Variants in CARMIL1 observed in about 807,000 individuals in gnomAD.
The protein encoded by CARMIL1 is F-actin-uncapping protein LRRC16A.
A neutral mutation model predicts 177.1 loss-of-function variants in CARMIL1; 90 were observed. That is an observed-to-expected ratio of 0.51 (90% confidence interval 0.43 to 0.61). The LOEUF is 0.61. Among genes scored for constraint, CARMIL1 ranks in the 20% least tolerant of loss-of-function variants. The pLI is 0.00. For synonymous variants in CARMIL1, 577 were observed against 606.2 expected (o/e 0.95, Z 0.71); for missense variants, 1,380 against 1,667.0 (o/e 0.83, Z 3.00).
chr6:25,324,874 G>A (rs1222377198), intron 2 of CARMIL1, among the ~76,000 whole-genome samples: 1 of 152,082 alleles, frequency 6.6e-6, no homozygotes, highest in Non-Finnish European at 1.5e-5. Context: ...ATGTGGAAGT[G>A]TGCTTGGGTG....
chr6:25,608,632 T>C (rs983793954), intron 35 of CARMIL1, among the ~76,000 whole-genome samples: 2 of 152,236 alleles, frequency 1.3e-5, no homozygotes, highest in African/African-American at 4.8e-5. Context: ...TATGTTTTTA[T>C]AGAGCTTGGG....
At chr6:25,551,945 T>C (rs1445310062) in intron 27 of CARMIL1, among the ~76,000 whole-genome samples, 5 of 152,192 alleles carry the variant, frequency 3.3e-5, no homozygotes, top group Non-Finnish European at 7.3e-5. Context: ...AATTATATTA[T>C]CGTTAACTAG....
chr6:25,426,986 G>A (rs1043332822), intron 4 of CARMIL1, among the ~76,000 whole-genome samples: 1 of 152,084 alleles, frequency 6.6e-6, no homozygotes, highest in African/African-American at 2.4e-5. Context: ...AAACTAAAGT[G>A]TACAATTTGA....
intron 2 of CARMIL1, among the ~76,000 whole-genome samples, chr6:25,392,052 G>A (rs1361258758): frequency 9.0e-6 from 1 of 110,838 alleles, no homozygotes; most frequent in African/African-American, 4.2e-5. Context: ...GTGTGTATAT[G>A]CATGTGTGTG....
chr6:25,591,214 T>A (rs1814270358), intron 31 of CARMIL1, among the ~76,000 whole-genome samples: 1 of 152,222 alleles, frequency 6.6e-6, no homozygotes, highest in South Asian at 2.1e-4. Context: ...CTACTGTCTT[T>A]CCCTGGTGTA....
intron 2 of CARMIL1, among the ~76,000 whole-genome samples, chr6:25,339,333 A>G (rs915134634): frequency 2.6e-5 from 4 of 152,156 alleles, no homozygotes; most frequent in African/African-American, 9.7e-5. Flanking sequence ...GATTTTCCCT[A>G]TTTTCTCTCT....
intron 2 of CARMIL1, among the ~76,000 whole-genome samples, chr6:25,391,897 A>G (rs1356618017): frequency 6.6e-6 from 1 of 152,196 alleles, no homozygotes; most frequent in Non-Finnish European, 1.5e-5. Flanking sequence ...AACTTGAACT[A>G]AAAAATTGTC....
chr6:25,284,492 T>G (rs1159552235), intron 1 of CARMIL1, among the ~76,000 whole-genome samples: 1 of 152,192 alleles, frequency 6.6e-6, no homozygotes, highest in Non-Finnish European at 1.5e-5. Flanking sequence ...GGCGGATCAC[T>G]TGAGGTCAGG....
chr6:25,295,891 C>A, intron 2 of CARMIL1, among the ~76,000 whole-genome samples: 1 of 152,186 alleles, frequency 6.6e-6, no homozygotes, highest in East Asian at 1.9e-4. Context: ...TTATATGATT[C>A]AGATCTTTGC....
intron 24 of CARMIL1, among the ~76,000 whole-genome samples, chr6:25,533,749 T>C (rs891318734): frequency 3.9e-5 from 6 of 152,196 alleles, no homozygotes; most frequent in Non-Finnish European, 7.3e-5. Context: ...TCTTTTCCTT[T>C]GGCTATTTGC....
At chr6:25,312,587 A>T (rs1436202471) in intron 2 of CARMIL1, among the ~76,000 whole-genome samples, 1 of 152,138 alleles carries the variant, frequency 6.6e-6, no homozygotes. Flanking sequence ...TTAAACTCAA[A>T]TGTGTCTCTT....
chr6:25,376,849 A>G (rs900034461), intron 2 of CARMIL1, among the ~76,000 whole-genome samples: 2 of 152,174 alleles, frequency 1.3e-5, no homozygotes, highest in Non-Finnish European at 2.9e-5. Context: ...CCCAGCCTTG[A>G]TAGAAGCAGC....
At chr6:25,481,290 A>G (rs1032541809) in intron 11 of CARMIL1, among the ~76,000 whole-genome samples, 1 of 152,194 alleles carries the variant, frequency 6.6e-6, no homozygotes, top group Non-Finnish European at 1.5e-5. Flanking sequence ...AGGCTCCCAG[A>G]ACACCCACTG....
intron 2 of CARMIL1, among the ~76,000 whole-genome samples, chr6:25,291,229 G>A (rs73392399): frequency 0.16 from 24,041 of 152,132 alleles, 2,607 homozygotes; most frequent in East Asian, 0.39. Flanking sequence ...GAAAGGCATA[G>A]GGGTATTATT....
chr6:25,575,112 C>T (rs761864641), intron 29 of CARMIL1, among the ~76,000 whole-genome samples: 8 of 152,100 alleles, frequency 5.3e-5, no homozygotes, highest in Admixed American at 6.6e-5. Flanking sequence ...AGTCCCATAA[C>T]CCAGTAAGTA....
At chr6:25,590,248 G>A (rs972266155) in intron 31 of CARMIL1, among the ~76,000 whole-genome samples, 3 of 151,760 alleles carry the variant, frequency 2.0e-5, no homozygotes, top group African/African-American at 4.8e-5. Flanking sequence ...CTTTTTTTTC[G>A]GTATTTGTTG....
At chr6:25,431,095 A>C (rs1254616794) in intron 4 of CARMIL1, among the ~76,000 whole-genome samples, 1 of 152,186 alleles carries the variant, frequency 6.6e-6, no homozygotes, top group East Asian at 1.9e-4. Flanking sequence ...TACATGTGCC[A>C]TGCTGGTGCG....
intron 2 of CARMIL1, among the ~76,000 whole-genome samples, chr6:25,337,063 T>C (rs1056492510): frequency 7.9e-5 from 12 of 152,222 alleles, no homozygotes; most frequent in African/African-American, 2.4e-4. Context: ...GCAGTACTTA[T>C]TTGTCAGGGC....
chr6:25,470,197 T>C (rs981663505), intron 9 of CARMIL1, among the ~76,000 whole-genome samples: 7 of 152,204 alleles, frequency 4.6e-5, no homozygotes, highest in Admixed American at 4.6e-4. Flanking sequence ...CTATTTATGC[T>C]CCAGTAGGAA....
Sources: allele counts gnomAD v4.1 joint callset (sites outside exome capture counted in the v4.1 genomes callset), GRCh38; gene constraint gnomAD v4.1.1; transcripts MANE v1.5; gene names NCBI Gene and HGNC (gene_info 2026-07-23, HGNC 2026-07-21).